The following ATP2B2 variants were observed in gnomAD, a reference collection of about 807,000 sequenced individuals.
ATP2B2 encodes the protein plasma membrane calcium-transporting ATPase 2.
In ATP2B2, 15 loss-of-function variants were observed where a neutral mutation model predicts 120.0. The observed-to-expected ratio is 0.12, with a 90% confidence interval of 0.08 to 0.19. The LOEUF is 0.19. Among genes scored for constraint, ATP2B2 ranks in the 10% least tolerant of loss-of-function variants. The probability of loss-of-function intolerance (pLI) is 1.00; values close to 1 mark genes in which losing one functional copy is unlikely to be tolerated. For missense variants in ATP2B2, 1,045 were observed against 1,719.8 expected (o/e 0.61, Z 6.94); for synonymous variants, 694 against 700.3 (o/e 0.99, Z 0.14).
chr3:10,445,338 T>C (rs1424056878), intron 2 of ATP2B2, among the ~76,000 whole-genome samples: 1 of 144,660 alleles, frequency 6.9e-6, no homozygotes, highest in Non-Finnish European at 1.5e-5. Context: ...CACTCAGGAA[T>C]GGAACTCAGG....
chr3:10,593,921 C>T (rs925014106), intron 2 of ATP2B2, among the ~76,000 whole-genome samples: 11 of 152,202 alleles, frequency 7.2e-5, no homozygotes, highest in Admixed American at 2.6e-4. Context: ...TGAACAGACA[C>T]TTCTCAAAAG....
At chr3:10,670,458 C>A (rs975121355) in intron 1 of ATP2B2, among the ~76,000 whole-genome samples, 2 of 152,118 alleles carry the variant, frequency 1.3e-5, no homozygotes, top group African/African-American at 4.8e-5. Flanking sequence ...GCTCTTGTTG[C>A]CCAGGCTGGA....
At chr3:10,568,447 T>C (rs952615970) in intron 2 of ATP2B2, among the ~76,000 whole-genome samples, 1 of 151,894 alleles carries the variant, frequency 6.6e-6, no homozygotes, top group African/African-American at 2.4e-5. Context: ...GAAAGAAAAA[T>C]CTCCTGAACA....
intron 3 of ATP2B2, among the ~76,000 whole-genome samples, chr3:10,511,394 C>T (rs916273416): frequency 6.6e-6 from 1 of 152,196 alleles, no homozygotes; most frequent in African/African-American, 2.4e-5. Context: ...TGAGTTATCC[C>T]TAGCACTGGG....
Position 10,347,804 on chromosome 3 carries a change from C to A in ATP2B2, c.2405-1667G>T, listed in dbSNP as rs536618147. ...GGAGGAAACCTCTCCCTAGACGCCT[C>A]CCTGCCTCCAGTCCTGGGGTGGCCT... On this transcript the variant is annotated intron_variant, in intron 16 of 22. Coordinates refer to ENST00000360273, the MANE Select transcript of ATP2B2 (RefSeq NM_001001331.4). This position sits in a 1 kb window ranked among gnomAD's most constrained non-coding sequence, Gnocchi z 5.2. Among the ~76,000 whole-genome samples, 1 of 152,328 alleles carries A rather than the reference C, an allele frequency of 6.6e-6. No homozygotes were observed. The highest frequency in any genetic ancestry group is 1.9e-4 in the East Asian group (1 of 5,184).
intron 1 of ATP2B2, among the ~76,000 whole-genome samples, chr3:10,498,819 G>A (rs148273737): frequency 6.6e-6 from 1 of 152,146 alleles, no homozygotes; most frequent in Non-Finnish European, 1.5e-5. Flanking sequence ...ACTATGGCAC[G>A]ACTGCTCCCA....
Position 10,329,963 on chromosome 3 carries a change from A to AGACTCAAAG in ATP2B2, c.3421-847_3421-839dup. Among the ~76,000 whole-genome samples, 1 of 152,322 alleles carries AGACTCAAAG rather than the reference A, an allele frequency of 6.6e-6. No individual in the cohort carries two copies. The highest frequency in any genetic ancestry group is 2.1e-4 in the South Asian group (1 of 4,826). Reference sequence around the variant, plus strand: ...ATTTGGGAGGTAAACACTCGAGTATAGACTCAAAGCCCTGGCCGGCCAGTT... The same window carrying AGACTCAAAG: ...ATTTGGGAGGTAAACACTCGAGTATAGACTCAAAGGACTCAAAGCCCTGGCCGGCCAGTT... On this transcript the variant is annotated intron_variant, in intron 22 of 22. Transcript: ENST00000360273. This position sits in a 1 kb window ranked among gnomAD's most constrained non-coding sequence, Gnocchi z 5.9.
intron 2 of ATP2B2, among the ~76,000 whole-genome samples, chr3:10,425,200 C>A (rs773755502): frequency 2.0e-5 from 3 of 151,882 alleles, no homozygotes; most frequent in Non-Finnish European, 4.4e-5. Flanking sequence ...GTCCCAGCTA[C>A]TCAGGAGGCT....
intron 3 of ATP2B2, among the ~76,000 whole-genome samples, chr3:10,521,969 T>C (rs73026866): frequency 4.1e-4 from 62 of 152,254 alleles, no homozygotes; most frequent in Non-Finnish European, 7.4e-4. Context: ...GGCAGGGCAG[T>C]GTTTGGACTT....
intron 2 of ATP2B2, among the ~76,000 whole-genome samples, chr3:10,598,323 C>G (rs574148984): frequency 6.6e-6 from 1 of 152,302 alleles, no homozygotes; most frequent in East Asian, 1.9e-4. Flanking sequence ...TGCCCTTGAG[C>G]AAATGGCTTA....
At chr3:10,620,547 G>C (rs1462846675) in intron 1 of ATP2B2, among the ~76,000 whole-genome samples, 2 of 152,258 alleles carry the variant, frequency 1.3e-5, no homozygotes, top group Middle Eastern at 3.4e-3. Context: ...CCCGGGAGAA[G>C]TGAAAGCAGG....
At chr3:10,705,965 T>G (rs2071889888) in intron 1 of ATP2B2, among the ~76,000 whole-genome samples, 1 of 152,222 alleles carries the variant, frequency 6.6e-6, no homozygotes, top group Non-Finnish European at 1.5e-5. Context: ...AGGTCTGTTT[T>G]ATTTAGTAAT....
At chr3:10,522,073 T>C (rs2066994951) in intron 3 of ATP2B2, among the ~76,000 whole-genome samples, 1 of 152,172 alleles carries the variant, frequency 6.6e-6, no homozygotes, top group South Asian at 2.1e-4. Flanking sequence ...GGGGATTATG[T>C]GGGTGGGCAC....
intron 1 of ATP2B2, among the ~76,000 whole-genome samples, chr3:10,450,403 C>T (rs768750853): frequency 2.0e-5 from 3 of 152,068 alleles, no homozygotes; most frequent in African/African-American, 2.4e-5. Context: ...CCCAAATACA[C>T]GGTTCCCAGG....
At chr3:10,371,012 A>C (rs2061225188) in intron 12 of ATP2B2, among the ~76,000 whole-genome samples, 1 of 152,174 alleles carries the variant, frequency 6.6e-6, no homozygotes, top group Admixed American at 6.5e-5. Flanking sequence ...TACTATTAGC[A>C]ACAACAACAT....
rs75294232 is a variant in ATP2B2, at chr3:10,531,322, T to C, written c.-320+2717A>G. Among the ~76,000 whole-genome samples, 365 of 152,330 alleles carry C rather than the reference T, an allele frequency of 2.4e-3. 1 individual carries two copies. The highest frequency in any genetic ancestry group is 7.9e-3 in the African/African-American group (328 of 41,580). ...AAACGCAGACAGTGCCGGGTCAGAGTGCTGGTTCCCAGCAGATGCTACTTC... is the reference window on the plus strand; with the variant it reads ...AAACGCAGACAGTGCCGGGTCAGAGCGCTGGTTCCCAGCAGATGCTACTTC... On this transcript the variant is annotated intron_variant, in intron 3 of 21. Coordinates refer to the ATP2B2 transcript ENST00000646379.
Position 10,363,171 on chromosome 3 carries a change from G to A in ATP2B2, c.1660-3048C>T, listed in dbSNP as rs543302744. Among the ~76,000 whole-genome samples, 3 of 152,286 alleles carry A rather than the reference G, an allele frequency of 2.0e-5. 1 individual carries two copies. The highest frequency in any genetic ancestry group is 7.2e-5 in the African/African-American group (3 of 41,572). On this transcript the variant is annotated intron_variant, in intron 12 of 22. Coordinates refer to ENST00000360273, the MANE Select transcript of ATP2B2 (RefSeq NM_001001331.4). The stretch of plus-strand genomic sequence containing the variant: ...GCAGAGCTGCCTCCTCCGTAATTCA[G>A]TTTGTTTCCATGAACTTGAGCTCTG...
intron 3 of ATP2B2, among the ~76,000 whole-genome samples, chr3:10,533,797 C>A (rs919472352): frequency 3.9e-5 from 6 of 152,128 alleles, no homozygotes; most frequent in Non-Finnish European, 5.9e-5. Context: ...CATGATGGGG[C>A]CTTCCTCCTC....
At chr3:10,585,493 G>GCAAAAAAAAAAAAA (rs1250583445) in intron 2 of ATP2B2, among the ~76,000 whole-genome samples, 1 of 28,506 alleles carries the variant, frequency 3.5e-5, no homozygotes, top group Non-Finnish European at 5.7e-5. Flanking sequence ...GACTCCGTCT[G>GCAAAAAAAAAAAAA]AAAAAAAAAA....
Sources: allele counts gnomAD v4.1 joint callset (sites outside exome capture counted in the v4.1 genomes callset), GRCh38; gene constraint gnomAD v4.1.1; non-coding constraint Gnocchi (gnomAD v3.1); transcripts MANE v1.5; gene names NCBI Gene and HGNC (gene_info 2026-07-23, HGNC 2026-07-21).